ABI3BP: variants seen among roughly 807,000 people sequenced by gnomAD.
The protein encoded by ABI3BP is ABI family member 3 binding protein.
A neutral mutation model predicts 268.6 loss-of-function variants in ABI3BP; 216 were observed. The observed-to-expected ratio is 0.80, with a 90% CI of 0.72 to 0.90. The LOEUF (loss-of-function observed/expected upper bound fraction) is 0.90. ABI3BP is among the 40% of genes least tolerant of loss of function. The probability of loss-of-function intolerance (pLI) is 0.00; values close to 1 mark genes in which losing one functional copy is unlikely to be tolerated. For synonymous variants in ABI3BP, 730 were observed against 730.0 expected, an observed-to-expected ratio of 1.00 and a Z score of 0.00; for missense variants, 2,090 against 2,182.4, an observed-to-expected ratio of 0.96 and a Z score of 0.84.
Position 100,926,346 on chromosome 3 carries a change from T to C in ABI3BP, c.215A>G (p.Tyr72Cys), listed in dbSNP as rs2061806191. The C allele has an allele frequency of 1.2e-5, 20 of 1,613,312 alleles. No homozygotes were observed. The highest frequency in any genetic ancestry group is 1.4e-5 in the Non-Finnish European group (17 of 1,179,610). Residue 72 changes from tyrosine to cysteine, a missense_variant, in exon 2 of 68, where the codon TAC becomes TGC. Tyr to Cys is a radical substitution (Grantham distance 194, BLOSUM62 -2). Coordinates refer to ENST00000471714, the MANE Select transcript of ABI3BP (RefSeq NM_001375547.2). Reference sequence around the variant, plus strand: ...TTTCCCTTCAGCGGGAAGAGGGAAGTACTGGTTTGGTGATACATTGCTGCC... The same window carrying C: ...TTTCCCTTCAGCGGGAAGAGGGAAGCACTGGTTTGGTGATACATTGCTGCC... ...GYGSNVSPNQ[Y>C]FPLPAEGKFT...
At chr3:100,986,395 T>C (rs74451461) in intron 1 of ABI3BP, among the ~76,000 whole-genome samples, 1,558 of 152,302 alleles carry the variant, frequency 0.01, 15 homozygotes, top group Non-Finnish European at 0.016. Context: ...GACTCCTAAC[T>C]CACAGCAACT....
At chr3:100,810,908 C>A (rs894076784) in intron 48 of ABI3BP, among the ~76,000 whole-genome samples, 1 of 151,990 alleles carries the variant, frequency 6.6e-6, no homozygotes, top group Admixed American at 6.6e-5. Context: ...AATGGATCAT[C>A]GCACCAAAAA....
chr3:100,890,127 G>C (rs552251125), intron 4 of ABI3BP, among the ~76,000 whole-genome samples: 1 of 152,004 alleles, frequency 6.6e-6, no homozygotes, highest in Non-Finnish European at 1.5e-5. Context: ...GTCCTTCTAC[G>C]AACTACCCCA....
intron 1 of ABI3BP, among the ~76,000 whole-genome samples, chr3:100,978,344 A>G (rs2087371840): frequency 6.6e-6 from 1 of 152,220 alleles, no homozygotes; most frequent in South Asian, 2.1e-4. Flanking sequence ...GTCTTTCTTC[A>G]TTGACCTAGT....
At chr3:100,774,196 G>A (rs1265375853) in intron 61 of ABI3BP, among the ~76,000 whole-genome samples, 1 of 152,194 alleles carries the variant, frequency 6.6e-6, no homozygotes, top group Non-Finnish European at 1.5e-5. Flanking sequence ...TCTTGGCTGT[G>A]TGACATTTTT....
intron 51 of ABI3BP, among the ~76,000 whole-genome samples, chr3:100,801,972 G>C (rs1404375861): frequency 6.6e-6 from 1 of 152,152 alleles, no homozygotes; most frequent in African/African-American, 2.4e-5. Flanking sequence ...TTTATTAGGT[G>C]AATGTCCAAT....
At chr3:100,795,168 G>T (rs1364498933) in intron 53 of ABI3BP, among the ~76,000 whole-genome samples, 165 bp from the exon 54 acceptor site, 1 of 152,008 alleles carries the variant, frequency 6.6e-6, no homozygotes, top group African/African-American at 2.4e-5. Context: ...TTAGAAAAAT[G>T]GTTCTCAACT....
intron 63 of ABI3BP, among the ~76,000 whole-genome samples, chr3:100,761,931 C>G (rs1425635065): frequency 2.0e-5 from 3 of 152,172 alleles, no homozygotes; most frequent in African/African-American, 7.2e-5. Context: ...TGTAATAATT[C>G]TTTCAGAAGC....
chr3:100,875,650 C>T (rs1326732335), intron 7 of ABI3BP, 71 bp from the exon 8 acceptor site: 3 of 1,069,918 alleles, frequency 2.8e-6, no homozygotes, highest in Non-Finnish European at 4.4e-6. Flanking sequence ...TAATGTGAAG[C>T]CATCTGCACT....
intron 45 of ABI3BP, 31 bp from the exon 46 acceptor site, chr3:100,812,554 T>A: frequency 7.7e-7 from 1 of 1,291,402 alleles, no homozygotes; most frequent in Non-Finnish European, 9.9e-7. Flanking sequence ...GTACAATTGA[T>A]AAAGGATAGG....
intron 2 of ABI3BP, among the ~76,000 whole-genome samples, chr3:100,922,546 G>GTGATGGTGATGA (rs1265547276): frequency 2.0e-5 from 3 of 151,814 alleles, no homozygotes; most frequent in Non-Finnish European, 4.4e-5. Flanking sequence ...GATGGTGATG[G>GTGATGGTGATGA]TGATGGTGAT....
chr3:100,769,094 C>G (rs984033014), intron 62 of ABI3BP, among the ~76,000 whole-genome samples: 2 of 152,156 alleles, frequency 1.3e-5, no homozygotes, highest in Admixed American at 1.3e-4. Flanking sequence ...ATTATCTGAG[C>G]TGCTGGTTTG....
At chr3:100,843,268 GGTTAAA>G (rs1363972453) in intron 20 of ABI3BP, among the ~76,000 whole-genome samples, 1 of 152,166 alleles carries the variant, frequency 6.6e-6, no homozygotes, top group Admixed American at 6.6e-5. Context: ...AAAAGAAGCA[GGTTAAA>G]GTTGTTTTTA....
In ABI3BP at chr3:100,840,803, A is replaced by G. The variant is rs2098684561; in HGVS notation, c.1804+17T>C. The G allele has an allele frequency of 4.6e-6, 7 of 1,531,964 alleles. No homozygotes were observed. Among genetic ancestry groups the G allele is most frequent in the Non-Finnish European group, 6.1e-6 (7 of 1,143,688 alleles). 94.9% of individuals were successfully genotyped at this position (1,531,964 alleles called of 1,614,324 possible). A position where few individuals can be genotyped will look rare whatever the true frequency, so the allele number is the denominator to read the frequency against. Reference sequence around the variant, plus strand: ...GGAAAAGAAGAAACAAAGGTCACCCACTCAATACTCTATTACCTAATGTTG... The same window carrying G: ...GGAAAAGAAGAAACAAAGGTCACCCGCTCAATACTCTATTACCTAATGTTG... On this transcript the variant is annotated intron_variant, in intron 22 of 67. Transcript: ENST00000471714.
chr3:100,818,744 T>A (rs1215151445), intron 40 of ABI3BP, among the ~76,000 whole-genome samples, 163 bp from the exon 41 acceptor site: 1 of 152,190 alleles, frequency 6.6e-6, no homozygotes, highest in Non-Finnish European at 1.5e-5. Flanking sequence ...ACAATTTTTT[T>A]AAAAGGCACT....
At chr3:100,867,635 C>A (rs1393685689) in intron 9 of ABI3BP, among the ~76,000 whole-genome samples, 2 of 62,994 alleles carry the variant, frequency 3.2e-5, no homozygotes, top group Non-Finnish European at 6.5e-5. Flanking sequence ...AGCGAGACCC[C>A]GTCTCAAAAA....
chr3:100,765,741 C>T (rs2096243459), intron 63 of ABI3BP, 100 bp downstream of exon 63: 2 of 915,140 alleles, frequency 2.2e-6, no homozygotes, highest in African/African-American at 1.7e-5. Context: ...GAAGCTAGAG[C>T]CACCCTCAAG....
rs533637796 is a variant in ABI3BP at position 100,955,133 on chromosome 3, T to C, written c.80-28652A>G. Among the ~76,000 whole-genome samples the C allele has an allele frequency of 2.0e-5, 3 of 152,170 alleles. No homozygotes were observed. In the East Asian group the frequency reaches 5.8e-4, roughly 29 times the overall value. ...ATGTGTCATCAGACAGAAGTGGAAG[T>C]TTTGATGTTGAGAATCCCAGCTGCA... On this transcript the variant is annotated intron_variant, in intron 1 of 67. Transcript: ENST00000471714.
intron 1 of ABI3BP, among the ~76,000 whole-genome samples, chr3:100,953,617 C>A (rs76563543): frequency 2.7e-5 from 1 of 37,310 alleles, no homozygotes; most frequent in Non-Finnish European, 5.2e-5. Context: ...GAAAGAAATA[C>A]TATTTTTTTT....
Sources: allele counts gnomAD v4.1 joint callset (sites outside exome capture counted in the v4.1 genomes callset), GRCh38; gene constraint gnomAD v4.1.1; transcripts MANE v1.5; gene names NCBI Gene and HGNC (gene_info 2026-07-23, HGNC 2026-07-21).